Variants in LHFPL6 observed in about 807,000 individuals in gnomAD.
The protein encoded by LHFPL6 is LHFPL tetraspan subfamily member 6 protein.
Under a neutral mutation model 20.6 loss-of-function variants are expected in LHFPL6, and 9 were observed. The observed-to-expected ratio is 0.44, with a 90% CI of 0.26 to 0.76. The LOEUF is 0.76. Ranked by LOEUF, LHFPL6 falls within the 30% of genes least tolerant of loss-of-function variation. LHFPL6 has a pLI of 0.20. For synonymous variants in LHFPL6, 105 were observed against 98.7 expected, an observed-to-expected ratio of 1.06 and a Z score of -0.38; for missense variants, 218 against 253.5, an observed-to-expected ratio of 0.86 and a Z score of 0.95.
chr13:39,365,883 T>C (rs1410302275), intron 3 of LHFPL6, among the ~76,000 whole-genome samples: 1 of 152,226 alleles, frequency 6.6e-6, no homozygotes, highest in Non-Finnish European at 1.5e-5. Flanking sequence ...ATACCATTCC[T>C]AAGAATAGTG....
At chr13:39,362,495 T>C (rs1417039727) in intron 3 of LHFPL6, among the ~76,000 whole-genome samples, 1 of 152,260 alleles carries the variant, frequency 6.6e-6, no homozygotes, top group Non-Finnish European at 1.5e-5. Context: ...GGTGTATGTA[T>C]ATGTATAAGT....
chr13:39,349,423 ATTT>A (rs1869500469), intron 3 of LHFPL6, among the ~76,000 whole-genome samples: 4 of 152,042 alleles, frequency 2.6e-5, no homozygotes, highest in Admixed American at 2.6e-4. Context: ...CTGATTCTTG[ATTT>A]TCTTCTTCCC....
intron 2 of LHFPL6, among the ~76,000 whole-genome samples, chr13:39,532,224 T>C (rs1870487780): frequency 6.6e-6 from 1 of 152,104 alleles, no homozygotes; most frequent in Non-Finnish European, 1.5e-5. Flanking sequence ...ATCCTACTCC[T>C]GCCCTAACTG....
At chr13:39,430,850 T>C (rs1035569701) in intron 2 of LHFPL6, among the ~76,000 whole-genome samples, 2 of 152,046 alleles carry the variant, frequency 1.3e-5, no homozygotes, top group African/African-American at 4.8e-5. Flanking sequence ...ATGCGCAGGA[T>C]CAAATAAGGG....
intron 2 of LHFPL6, among the ~76,000 whole-genome samples, chr13:39,490,823 A>G (rs953786496): frequency 2.6e-5 from 4 of 152,296 alleles, no homozygotes; most frequent in African/African-American, 9.6e-5. Flanking sequence ...TCTATTCTTA[A>G]TGTCACTCTC....
In LHFPL6 at chr13:39,544,943, AT is replaced by A. The variant is rs557819311; in HGVS notation, c.385+55888del. Among the ~76,000 whole-genome samples, 20 of 152,148 alleles carry A rather than the reference AT, an allele frequency of 1.3e-4. No homozygotes were observed. The East Asian group carries it at 3.9e-3, about 29-fold the overall frequency. On this transcript the variant is annotated intron_variant, in intron 2 of 3. Transcript: ENST00000379589. ...TTCAAACCAAGATTACTAAAAAGGA[AT>A]AAAAAGTGACCAAGGGGGCCGGGCA... is the stretch of plus-strand genomic sequence containing the variant.
chr13:39,504,619 T>C (rs1185330759), intron 2 of LHFPL6, among the ~76,000 whole-genome samples: 5 of 152,204 alleles, frequency 3.3e-5, no homozygotes, highest in Non-Finnish European at 1.5e-5. Flanking sequence ...CTTGTCTGTA[T>C]CCTACTCTCC....
Position 39,378,454 on chromosome 13 carries a change from C to A in LHFPL6, c.458G>T (p.Gly153Val). ...CAGGTCAAACTGGCCAGAAGTGTAG[C>A]CACAAGTCTGCCGGACTTCCTCACT... is the stretch of plus-strand genomic sequence containing the variant. ...WDSEEVRQTC[G>V]YTSGQFDLGK... The change falls in exon 3 of 4, where the codon GGC (glycine) becomes GTC (valine). Residue 153 changes from glycine (G) to valine (V), a missense_variant. By Grantham distance (109) the Gly-to-Val change is moderately radical. Transcript: ENST00000379589. 1.2e-6 allele frequency: 2 copies of A among 1,613,958 alleles called. No individual in the cohort carries two copies. Among genetic ancestry groups the A allele is most frequent in the South Asian group, 2.2e-5 (2 of 91,072 alleles).
chr13:39,492,842 A>G (rs1438071674), intron 2 of LHFPL6, among the ~76,000 whole-genome samples: 1 of 151,816 alleles, frequency 6.6e-6, no homozygotes, highest in Non-Finnish European at 1.5e-5. Context: ...CACCACGTCC[A>G]GCTAATTTTG....
intron 2 of LHFPL6, among the ~76,000 whole-genome samples, chr13:39,551,758 T>C (rs1443755167): frequency 1.3e-5 from 2 of 152,256 alleles, no homozygotes; most frequent in East Asian, 1.9e-4. Flanking sequence ...AGATACTTAA[T>C]TTTTTTCTAA....
At chr13:39,430,326 A>C (rs530547812) in intron 2 of LHFPL6, among the ~76,000 whole-genome samples, 1 of 152,230 alleles carries the variant, frequency 6.6e-6, no homozygotes, top group African/African-American at 2.4e-5. Context: ...TAGGGGGTAT[A>C]AATTATGACA....
chr13:39,574,247 C>T (rs575563589), intron 2 of LHFPL6, among the ~76,000 whole-genome samples: 1 of 152,272 alleles, frequency 6.6e-6, no homozygotes, highest in East Asian at 1.9e-4. Flanking sequence ...CTTTGGGAGG[C>T]CGAGGCGGGC....
At chr13:39,352,927 G>A (rs373003253) in intron 3 of LHFPL6, among the ~76,000 whole-genome samples, 23 of 28,206 alleles carry the variant, frequency 8.2e-4, no homozygotes, top group East Asian at 1.9e-3. Context: ...ATATATAAAT[G>A]TATATATATG....
chr13:39,498,924 G>C lies in LHFPL6; in HGVS notation c.385+101908C>G, dbSNP rs376486954. On this transcript the variant is annotated intron_variant, in intron 2 of 3. Transcript: ENST00000379589. Reference sequence around the variant, plus strand: ...CATCCAGGCTGGAGTGCAGTGACGCGATCTCAGCTCACTGCAACCTCCACC... The same window carrying C: ...CATCCAGGCTGGAGTGCAGTGACGCCATCTCAGCTCACTGCAACCTCCACC... Among the ~76,000 whole-genome samples, 15 of 152,082 alleles carry C rather than the reference G, an allele frequency of 9.9e-5. No homozygotes were observed. The East Asian group carries it at 2.3e-3, about 24-fold the overall frequency.
chr13:39,439,121 G>A (rs1872045756), intron 2 of LHFPL6, among the ~76,000 whole-genome samples: 1 of 152,330 alleles, frequency 6.6e-6, no homozygotes. Context: ...GAGCAGCCAA[G>A]GGGGCTGAAC....
rs558640310 is a variant in LHFPL6, at chr13:39,417,045, G to A, written c.386-38519C>T. Among the ~76,000 whole-genome samples the A allele has an allele frequency of 1.0e-3, 158 of 152,328 alleles. 1 individual carries two copies. The highest frequency in any genetic ancestry group is 3.7e-3 in the African/African-American group (155 of 41,570). On this transcript the variant is annotated intron_variant, in intron 2 of 3. Coordinates refer to ENST00000379589, the MANE Select transcript of LHFPL6 (RefSeq NM_005780.3). ...GGTTATTCCAAGTTTAGAAGAGCCC[G>A]AAGGTGTAGGGAGACTCCTCTTAAC...
intron 2 of LHFPL6, among the ~76,000 whole-genome samples, chr13:39,427,033 G>T (rs986193460): frequency 6.7e-6 from 1 of 149,750 alleles, no homozygotes. Flanking sequence ...CCACTGAATT[G>T]CCTTAATTGC....
At chr13:39,540,156 T>C (rs753015781) in intron 2 of LHFPL6, among the ~76,000 whole-genome samples, 4 of 152,110 alleles carry the variant, frequency 2.6e-5, no homozygotes, top group African/African-American at 4.8e-5. Flanking sequence ...CTGCCAAGTT[T>C]CAAGGTCATA....
At chr13:39,394,424 G>T (rs751952076) in intron 2 of LHFPL6, among the ~76,000 whole-genome samples, 2 of 152,158 alleles carry the variant, frequency 1.3e-5, no homozygotes, top group Admixed American at 6.5e-5. Context: ...CCATAACAGA[G>T]GTTTGTGGTT....
Sources: allele counts gnomAD v4.1 joint callset (sites outside exome capture counted in the v4.1 genomes callset), GRCh38; gene constraint gnomAD v4.1.1; transcripts MANE v1.5; gene names NCBI Gene and HGNC (gene_info 2026-07-23, HGNC 2026-07-21).